Variants in ATP10B observed in about 807,000 individuals in gnomAD.
ATP10B encodes phospholipid-transporting ATPase VB.
A neutral mutation model predicts 141.2 loss-of-function variants in ATP10B; 122 were observed. The observed-to-expected ratio is 0.86, with a 90% CI of 0.75 to 1.00. The LOEUF is 1.00. Among genes scored for constraint, ATP10B ranks in the 50% least tolerant of loss-of-function variants. The pLI is 0.00. For missense variants in ATP10B, 1,876 were observed against 1,825.3 expected, an observed-to-expected ratio of 1.03 and a Z score of -0.51; for synonymous variants, 685 against 692.0, an observed-to-expected ratio of 0.99 and a Z score of 0.16.
rs2127648706 is a variant in ATP10B, at chr5:160,620,709, C to A, written c.2054G>T (p.Trp685Leu). 1.9e-6 allele frequency: 3 copies of A among 1,614,118 alleles called. No individual in the cohort carries two copies. The East Asian group carries it at 6.7e-5, about 36-fold the overall frequency. Residue 685 changes from tryptophan (W) to leucine (L), a missense_variant, in exon 15 of 26, where the codon TGG becomes TTG. By Grantham distance (61) the Trp-to-Leu change is moderately conservative. Transcript: ENST00000327245. ...AGACTCCAGGATGTCGCCCTGGTCC[C>A]ACATGCTGCTCCTGTAGCCACCGTC... ...TDDGGYRSSM[W>L]DQGDILESGS... is the part of the protein sequence containing the mutation.
At chr5:160,571,617 G>C (rs1754881844) in intron 24 of ATP10B, among the ~76,000 whole-genome samples, 1 of 152,128 alleles carries the variant, frequency 6.6e-6, no homozygotes, top group Non-Finnish European at 1.5e-5. Context: ...CTAAAAGTTA[G>C]ACACAACTTG....
intron 18 of ATP10B, 129 bp from the exon 19 acceptor site, chr5:160,607,215 C>T: frequency 1.3e-6 from 1 of 797,770 alleles, no homozygotes; most frequent in Non-Finnish European, 1.9e-6. Context: ...AAGCTATTCT[C>T]CAATTTTTAT....
intron 1 of ATP10B, among the ~76,000 whole-genome samples, chr5:160,807,759 GATA>G (rs747900534): frequency 1.2e-4 from 18 of 152,134 alleles, no homozygotes; most frequent in Admixed American, 9.8e-4. Flanking sequence ...TTTTAAATGT[GATA>G]ATGTTGAATT....
intron 1 of ATP10B, among the ~76,000 whole-genome samples, chr5:160,805,667 G>C (rs185052881): frequency 1.4e-3 from 211 of 152,266 alleles, no homozygotes; most frequent in African/African-American, 4.9e-3. Context: ...AGGCACTTAA[G>C]AGCATTTACA....
chr5:160,603,638 T>A, intron 20 of ATP10B: 1 of 312,984 alleles, frequency 3.2e-6, no homozygotes. Context: ...CTCTCTATCC[T>A]CATCAACAAA....
chr5:160,798,390 C>T (rs1246279971), intron 1 of ATP10B, among the ~76,000 whole-genome samples: 2 of 152,162 alleles, frequency 1.3e-5, no homozygotes, highest in East Asian at 3.9e-4. Flanking sequence ...AGAGTGGGCC[C>T]TAACCCAATG....
chr5:160,849,108 A>C (rs1490780708), intron 1 of ATP10B, among the ~76,000 whole-genome samples: 1 of 152,174 alleles, frequency 6.6e-6, no homozygotes, highest in Admixed American at 6.6e-5. Context: ...CCCAGGAAGC[A>C]TATTTGGGAA....
chr5:160,579,803 A>G (rs60990595), intron 24 of ATP10B, among the ~76,000 whole-genome samples: 2,784 of 152,222 alleles, frequency 0.018, 82 homozygotes, highest in African/African-American at 0.063. Context: ...ATGAGCATGG[A>G]ATGTTTTTGC....
At chr5:160,845,473 A>G (rs1230460108) in intron 1 of ATP10B, among the ~76,000 whole-genome samples, 1 of 152,178 alleles carries the variant, frequency 6.6e-6, no homozygotes, top group Non-Finnish European at 1.5e-5. Context: ...AGCTGGTAGC[A>G]TTTTATTTCT....
chr5:160,758,899 A>C (rs1339191968), intron 2 of ATP10B, among the ~76,000 whole-genome samples: 1 of 152,220 alleles, frequency 6.6e-6, no homozygotes, highest in African/African-American at 2.4e-5. Context: ...GCTATCAATA[A>C]TGTAACACTG....
rs1762609010 is a variant in ATP10B, at chr5:160,670,461, A to G, written c.675+2T>C. The G allele has an allele frequency of 2.5e-6, 4 of 1,613,722 alleles. No individual in the cohort carries two copies. The highest frequency in any genetic ancestry group is 1.7e-5 in the Admixed American group (1 of 59,990). On this transcript the variant is annotated splice_donor_variant, in intron 7 of 25. Transcript: ENST00000327245. LOFTEE classifies it high-confidence loss of function. ...CATTGAAGATATTAGAAAGAGCCCT[A>G]CCTGCTGTGAGAAGCCCTTCACGAC...
At chr5:160,896,426 A>G in the ATP10B span, among the ~76,000 whole-genome samples, 17 of 152,224 alleles carry the variant, frequency 1.1e-4, no homozygotes, top group African/African-American at 3.6e-4. Context: ...CTCTACACAA[A>G]TAAACTGGAA....
intron 3 of ATP10B, among the ~76,000 whole-genome samples, chr5:160,690,595 A>T (rs1393633508): frequency 6.6e-6 from 1 of 152,238 alleles, no homozygotes; most frequent in Non-Finnish European, 1.5e-5. Flanking sequence ...GCCAACAAAC[A>T]TATGAAAAAA....
chr5:160,603,902 T>C, intron 20 of ATP10B, 63 bp downstream of exon 20: 2 of 1,455,464 alleles, frequency 1.4e-6, no homozygotes, highest in Non-Finnish European at 1.9e-6. Flanking sequence ...TCCAACACTC[T>C]GGATATTTCC....
chr5:160,749,437 C>T (rs997111533), intron 2 of ATP10B, among the ~76,000 whole-genome samples: 11 of 152,272 alleles, frequency 7.2e-5, no homozygotes, highest in African/African-American at 2.6e-4. Context: ...AGCTGCCCTC[C>T]TCATACTGTG....
intron 24 of ATP10B, among the ~76,000 whole-genome samples, chr5:160,570,287 TTTC>T (rs1754795198): frequency 6.6e-6 from 1 of 152,170 alleles, no homozygotes; most frequent in Non-Finnish European, 1.5e-5. Flanking sequence ...CTTTAAATAT[TTTC>T]TTTATTCTAG....
chr5:160,730,438 T>G (rs1310296894), intron 2 of ATP10B, among the ~76,000 whole-genome samples: 1 of 152,006 alleles, frequency 6.6e-6, no homozygotes, highest in Non-Finnish European at 1.5e-5. Flanking sequence ...AGGAATTCAT[T>G]GGCCTCCTAA....
At chr5:160,736,331 A>T (rs1384558981) in intron 2 of ATP10B, among the ~76,000 whole-genome samples, 1 of 152,238 alleles carries the variant, frequency 6.6e-6, no homozygotes, top group African/African-American at 2.4e-5. Context: ...GCTATGAGCA[A>T]AGGTATGATG....
the ATP10B span, among the ~76,000 whole-genome samples, chr5:160,887,167 G>T: frequency 3.3e-5 from 5 of 152,172 alleles, no homozygotes; most frequent in South Asian, 1.0e-3. Flanking sequence ...TGGAGGATTG[G>T]TCCTAGGACC....
Sources: gnomAD v4.1 joint callset for allele counts (sites outside exome capture counted in the v4.1 genomes callset) on GRCh38, gnomAD v4.1.1 for gene constraint, MANE v1.5 for transcripts, NCBI Gene and HGNC (gene_info 2026-07-23, HGNC 2026-07-21) for gene names.